The following GSE1 variants were observed in gnomAD, a reference collection of about 807,000 sequenced individuals.
The protein encoded by GSE1 is Gse1 coiled-coil protein.
GSE1 carries 32 observed loss-of-function variants against 112.6 expected under a neutral mutation model. The observed-to-expected ratio is 0.28, with a 90% confidence interval of 0.21 to 0.38. The LOEUF (loss-of-function observed/expected upper bound fraction) is 0.38, where lower values mean the gene tolerates loss of function less well. Among genes scored for constraint, GSE1 ranks in the 10% least tolerant of loss-of-function variants. The pLI is 1.00. For missense variants in GSE1, 2,348 were observed against 1,699.2 expected (o/e 1.38, Z -6.71); for synonymous variants, 1,115 against 735.6 (o/e 1.52, Z -8.35).
At chr16:85,448,896 G>T (rs987847047) in intron 2 of GSE1, among the ~76,000 whole-genome samples, 3 of 152,200 alleles carry the variant, frequency 2.0e-5, no homozygotes, top group African/African-American at 4.8e-5. Context: ...CCGGTTTTGG[G>T]TCAGAAAGGC....
intron 1 of GSE1, among the ~76,000 whole-genome samples, chr16:85,572,529 C>G (rs530373269): frequency 2.6e-5 from 4 of 152,116 alleles, no homozygotes; most frequent in South Asian, 4.1e-4. Context: ...ACACCGCACA[C>G]ACATACACGT....
At chr16:85,553,466 G>T (rs938539640), upstream of GSE1, among the ~76,000 whole-genome samples, 64 of 151,888 alleles carry the variant, frequency 4.2e-4, no homozygotes, top group Non-Finnish European at 8.2e-4. Context: ...CCGAGCGGCC[G>T]GTTTCCTACA....
intron 2 of GSE1, among the ~76,000 whole-genome samples, chr16:85,413,861 T>A (rs914020002): frequency 6.6e-6 from 1 of 152,188 alleles, no homozygotes; most frequent in African/African-American, 2.4e-5. Flanking sequence ...GTTTTCCTTG[T>A]ACTGTTCTCG....
intron 2 of GSE1, among the ~76,000 whole-genome samples, chr16:85,440,625 T>A (rs1252561154): frequency 6.6e-6 from 1 of 152,214 alleles, no homozygotes; most frequent in African/African-American, 2.4e-5. Flanking sequence ...GGGTCAGTGG[T>A]CACTGGTCAG....
At chr16:85,297,358 C>G (rs1270494760) in intron 1 of GSE1, among the ~76,000 whole-genome samples, 1 of 150,196 alleles carries the variant, frequency 6.7e-6, no homozygotes, top group East Asian at 1.9e-4. Context: ...AGATAGGAAC[C>G]TTCTTAGCCA....
At chr16:85,278,497 T>C (rs1256229205) in intron 1 of GSE1, among the ~76,000 whole-genome samples, 1 of 152,244 alleles carries the variant, frequency 6.6e-6, no homozygotes, top group African/African-American at 2.4e-5. Flanking sequence ...TGATCCTGAA[T>C]TCACAAGGTT....
Position 85,201,232 on chromosome 16 carries a change from C to G in GSE1, c.2283+29425C>G, listed in dbSNP as rs138799157. ...AGGCCACAGGCAGGTGCCACCACAC[C>G]CAGCTATTTTGTTTTTGTTTTAGAG... On this transcript the variant is annotated intron_variant, in intron 1 of 2. Transcript: ENST00000637419. 1.1e-4 allele frequency among the ~76,000 whole-genome samples: 16 copies of G among 152,184 alleles called. No individual in the cohort carries two copies. In the East Asian group the frequency reaches 2.5e-3, roughly 24 times the overall value.
At position 85,661,176 on chromosome 16, in the gene GSE1, C is replaced by T. The variant is rs1305690745; in HGVS notation, c.1671C>T (p.Gly557=). ...RPGPNRHEPG[G]RDPPQHFGGP... The stretch of plus-strand genomic sequence containing the variant: ...GACCAAACCGTCACGAGCCAGGTGG[C>T]CGTGACCCTCCGCAGCACTTTGGGG... The change falls in exon 9 of 16, where the codon GGC becomes GGT. Residue 557 remains glycine (G), a synonymous_variant. Coordinates refer to ENST00000253458, the MANE Select transcript of GSE1 (RefSeq NM_014615.5). The T allele has an allele frequency of 2.5e-6, 4 of 1,596,218 alleles. No individual in the cohort carries two copies. Among genetic ancestry groups the T allele is most frequent in the Non-Finnish European group, 2.6e-6 (3 of 1,167,118 alleles).
intron 2 of GSE1, among the ~76,000 whole-genome samples, chr16:85,475,277 A>G (rs1002295049): frequency 1.3e-5 from 2 of 152,236 alleles, no homozygotes; most frequent in African/African-American, 4.8e-5. Flanking sequence ...AGAGCAGTGC[A>G]AGTACAGACA....
At chr16:85,637,352 C>T (rs1054703140) in intron 2 of GSE1, among the ~76,000 whole-genome samples, 3 of 152,200 alleles carry the variant, frequency 2.0e-5, no homozygotes, top group Non-Finnish European at 2.9e-5. Context: ...CGTGGCTGGA[C>T]GACCCGGGTC....
chr16:85,446,667 C>T (rs1352649494), intron 2 of GSE1, among the ~76,000 whole-genome samples: 1 of 152,188 alleles, frequency 6.6e-6, no homozygotes, highest in East Asian at 1.9e-4. Context: ...TCTCTGCCTG[C>T]ATGGCAGGGA....
At chr16:85,352,374 T>C (rs905659407) in intron 1 of GSE1, among the ~76,000 whole-genome samples, 5 of 152,156 alleles carry the variant, frequency 3.3e-5, no homozygotes, top group African/African-American at 1.2e-4. Flanking sequence ...TCCAGGGAAA[T>C]TCAGGAAACA....
chr16:85,661,100 T>C (rs1328164759), intron 8 of GSE1, 46 bp from the exon 9 acceptor site: 2 of 1,519,112 alleles, frequency 1.3e-6, no homozygotes, highest in African/African-American at 2.8e-5. Flanking sequence ...TGTGGATGAC[T>C]GAAGGGTCTT....
chr16:85,403,699 G>C (rs112615438), intron 2 of GSE1, among the ~76,000 whole-genome samples: 4 of 152,190 alleles, frequency 2.6e-5, no homozygotes, highest in Admixed American at 6.5e-5. Flanking sequence ...CTATGTGGGA[G>C]GCTGAGACGG....
chr16:85,555,334 C>T (rs1046107865), upstream of GSE1: 35 of 985,050 alleles, frequency 3.6e-5, no homozygotes, highest in Non-Finnish European at 4.1e-5. Context: ...TTCTCCTCCT[C>T]CTTCCACCCC....
intron 2 of GSE1, among the ~76,000 whole-genome samples, chr16:85,492,291 G>A (rs2051036095): frequency 6.6e-6 from 1 of 152,158 alleles, no homozygotes; most frequent in South Asian, 2.1e-4. Context: ...GGTTTCTGGG[G>A]TTCCATCTCT....
chr16:85,553,429 A>G (rs2045034012), upstream of GSE1, among the ~76,000 whole-genome samples: 1 of 151,344 alleles, frequency 6.6e-6, no homozygotes. Flanking sequence ...CGGAGCAGCC[A>G]GAGGTTGGCG....
chr16:85,355,866 C>G (rs938881668), intron 1 of GSE1, among the ~76,000 whole-genome samples: 2 of 151,746 alleles, frequency 1.3e-5, no homozygotes, highest in Admixed American at 6.6e-5. Flanking sequence ...ACTAAAGAAA[C>G]AAAAAACAAA....
At chr16:85,251,793 G>C (rs1906512138) in intron 1 of GSE1, among the ~76,000 whole-genome samples, 1 of 152,232 alleles carries the variant, frequency 6.6e-6, no homozygotes, top group Non-Finnish European at 1.5e-5. Flanking sequence ...GCAGCTGCCT[G>C]GTGGACTGGC....
Sources: gnomAD v4.1 joint callset for allele counts (sites outside exome capture counted in the v4.1 genomes callset) on GRCh38, gnomAD v4.1.1 for gene constraint, MANE v1.5 for transcripts, NCBI Gene and HGNC (gene_info 2026-07-23, HGNC 2026-07-21) for gene names.